The following HS6ST3 variants were observed in gnomAD, a reference collection of about 807,000 sequenced individuals.
The protein encoded by HS6ST3 is heparan sulfate 6-O-sulfotransferase 3.
Under a neutral mutation model 36.7 loss-of-function variants are expected in HS6ST3, and 12 were observed. The observed-to-expected ratio is 0.33, with a 90% CI of 0.21 to 0.53. The LOEUF (loss-of-function observed/expected upper bound fraction) is 0.53, where lower values mean the gene tolerates loss of function less well. Among genes scored for constraint, HS6ST3 ranks in the 20% least tolerant of loss-of-function variants. The probability of loss-of-function intolerance (pLI) is 0.95; values close to 1 mark genes in which losing one functional copy is unlikely to be tolerated. For synonymous variants in HS6ST3, 240 were observed against 257.5 expected, an observed-to-expected ratio of 0.93 and a Z score of 0.65; for missense variants, 584 against 640.9, an observed-to-expected ratio of 0.91 and a Z score of 0.96.
At chr13:96,125,672 G>A (rs1207889510) in intron 1 of HS6ST3, among the ~76,000 whole-genome samples, 1 of 151,768 alleles carries the variant, frequency 6.6e-6, no homozygotes. Flanking sequence ...ATTTAATGGG[G>A]TCATTTATAA....
intron 1 of HS6ST3, among the ~76,000 whole-genome samples, chr13:96,600,177 T>C (rs1482241184): frequency 1.3e-5 from 2 of 151,992 alleles, no homozygotes; most frequent in East Asian, 3.9e-4. Context: ...TTAAGTCCAG[T>C]GTTTCTTTGT....
Position 96,359,146 on chromosome 13 carries a change from G to A in HS6ST3, c.707+267577G>A, listed in dbSNP as rs374064805. On this transcript the variant is annotated intron_variant, in intron 1 of 1. Transcript: ENST00000376705. ...GGGGGCAATTACAATGTTTAGGGGAGGGTGCTTGGGAAAGGCCTAACTCGG... is the reference window on the plus strand; with the variant it reads ...GGGGGCAATTACAATGTTTAGGGGAAGGTGCTTGGGAAAGGCCTAACTCGG... 1.2e-4 allele frequency among the ~76,000 whole-genome samples: 19 copies of A among 152,240 alleles called. No individual in the cohort carries two copies. The South Asian group carries it at 3.7e-3, about 30-fold the overall frequency.
intron 1 of HS6ST3, among the ~76,000 whole-genome samples, chr13:96,540,918 AATCT>A (rs1434807296): frequency 1.5e-4 from 23 of 152,322 alleles, no homozygotes; most frequent in African/African-American, 5.5e-4. Context: ...GGAACAGATT[AATCT>A]CCATCTATGC....
In HS6ST3 at chr13:96,172,942, C is replaced by T. The variant is rs191539014; in HGVS notation, c.707+81373C>T. 4.6e-5 allele frequency among the ~76,000 whole-genome samples: 7 copies of T among 152,312 alleles called. No individual in the cohort carries two copies. The East Asian group carries it at 1.4e-3, about 29-fold the overall frequency. On this transcript the variant is annotated intron_variant, in intron 1 of 1. Transcript: ENST00000376705. The stretch of plus-strand genomic sequence containing the variant: ...TCATTTAAATCCTATCAGCAGTACT[C>T]TTCATTCAAGCATGCATTCAAGAAA...
At chr13:96,688,721 T>C (rs1381209759) in intron 1 of HS6ST3, among the ~76,000 whole-genome samples, 1 of 152,082 alleles carries the variant, frequency 6.6e-6, no homozygotes, top group Non-Finnish European at 1.5e-5. Flanking sequence ...TGAAATATAT[T>C]TATAATCTTC....
At chr13:96,252,360 A>G (rs1362387869) in intron 1 of HS6ST3, among the ~76,000 whole-genome samples, 1 of 152,198 alleles carries the variant, frequency 6.6e-6, no homozygotes, top group East Asian at 1.9e-4. Flanking sequence ...GGAGACAAAG[A>G]TCTTCACCCA....
intron 1 of HS6ST3, among the ~76,000 whole-genome samples, chr13:96,301,337 G>A (rs533578935): frequency 2.6e-5 from 4 of 152,208 alleles, no homozygotes; most frequent in South Asian, 4.1e-4. Context: ...TGATTATCTC[G>A]CACTTAAAGC....
intron 1 of HS6ST3, among the ~76,000 whole-genome samples, chr13:96,117,707 A>G (rs927193604): frequency 3.3e-5 from 5 of 152,340 alleles, no homozygotes; most frequent in Middle Eastern, 3.4e-3. Context: ...GTTGTAAACT[A>G]TAATGTTAAG....
At chr13:96,234,814 A>T (rs1490754384) in intron 1 of HS6ST3, among the ~76,000 whole-genome samples, 2 of 152,198 alleles carry the variant, frequency 1.3e-5, no homozygotes, top group African/African-American at 4.8e-5. Context: ...GGCAAGGTAC[A>T]AGGGCACTCT....
chr13:96,554,836 A>C (rs543790344), intron 1 of HS6ST3, among the ~76,000 whole-genome samples: 1 of 152,146 alleles, frequency 6.6e-6, no homozygotes, highest in African/African-American at 2.4e-5. Flanking sequence ...TGGGAGGCTG[A>C]AGCAGGTGGA....
intron 1 of HS6ST3, among the ~76,000 whole-genome samples, chr13:96,763,344 A>G (rs2138501600): frequency 6.7e-6 from 1 of 150,326 alleles, no homozygotes; most frequent in East Asian, 1.9e-4. Context: ...TTATATAACT[A>G]GCAGGGAGTC....
At chr13:96,762,056 A>G (rs1328294416) in intron 1 of HS6ST3, among the ~76,000 whole-genome samples, 1 of 151,352 alleles carries the variant, frequency 6.6e-6, no homozygotes, top group African/African-American at 2.4e-5. Context: ...TTATGTTTTT[A>G]TATATATATA....
At chr13:96,653,838 G>A (rs149801385) in intron 1 of HS6ST3, among the ~76,000 whole-genome samples, 7 of 152,214 alleles carry the variant, frequency 4.6e-5, no homozygotes, top group African/African-American at 9.6e-5. Flanking sequence ...GTGTAAAAGC[G>A]TTCTTATTTC....
intron 1 of HS6ST3, among the ~76,000 whole-genome samples, chr13:96,400,796 C>T (rs867416493): frequency 6.6e-6 from 1 of 152,116 alleles, no homozygotes; most frequent in Non-Finnish European, 1.5e-5. Flanking sequence ...TGTTTCTTTC[C>T]TCACGTCTTA....
In HS6ST3 at chr13:96,131,336, T is replaced by C. The variant is rs555413478; in HGVS notation, c.707+39767T>C. Among the ~76,000 whole-genome samples the C allele has an allele frequency of 3.3e-5, 5 of 152,276 alleles. No individual in the cohort carries two copies. The East Asian group carries it at 9.6e-4, about 29-fold the overall frequency. On this transcript the variant is annotated intron_variant, in intron 1 of 1. Transcript: ENST00000376705. ...CTTTGTTTATTAGTCTACTTAAGGC[T>C]TAGGATATTTTTTCTTTTAAACAAA...
rs796148540 is a variant in HS6ST3, at chr13:96,118,670, A to G, written c.707+27101A>G. ...GATATATATATATATATATATATATATATATATATATATATATATTTTTTT... is the reference window on the plus strand; with the variant it reads ...GATATATATATATATATATATATATGTATATATATATATATATATTTTTTT... On this transcript the variant is annotated intron_variant, in intron 1 of 1. Coordinates refer to ENST00000376705, the MANE Select transcript of HS6ST3 (RefSeq NM_153456.4). Among the ~76,000 whole-genome samples, 112 of 22,562 alleles carry G rather than the reference A, an allele frequency of 5.0e-3. 1 individual carries two copies. Among genetic ancestry groups the G allele is most frequent in the South Asian group, 9.6e-3 (4 of 416 alleles). 14.8% of individuals were successfully genotyped at this position (22,562 alleles called of 152,430 possible). A position where few individuals can be genotyped will look rare whatever the true frequency, so the allele number is the denominator to read the frequency against.
intron 1 of HS6ST3, among the ~76,000 whole-genome samples, chr13:96,343,450 C>G (rs896038603): frequency 2.0e-5 from 3 of 152,160 alleles, no homozygotes; most frequent in Non-Finnish European, 4.4e-5. Context: ...TTGTGTCACT[C>G]TGACCTCCTT....
intron 1 of HS6ST3, among the ~76,000 whole-genome samples, chr13:96,642,206 T>C (rs1489659334): frequency 1.3e-5 from 2 of 151,900 alleles, no homozygotes; most frequent in Admixed American, 1.3e-4. Context: ...ATAATCCTAC[T>C]GTCTTCAGGC....
chr13:96,619,381 A>G (rs181289360), intron 1 of HS6ST3, among the ~76,000 whole-genome samples: 6 of 152,330 alleles, frequency 3.9e-5, no homozygotes, highest in African/African-American at 1.2e-4. Flanking sequence ...ATGTAGAGTT[A>G]TCTGACTTTT....
Sources: allele counts gnomAD v4.1 joint callset (sites outside exome capture counted in the v4.1 genomes callset), GRCh38; gene constraint gnomAD v4.1.1; transcripts MANE v1.5; gene names NCBI Gene and HGNC (gene_info 2026-07-23, HGNC 2026-07-21).